PML: variants seen among roughly 807,000 people sequenced by gnomAD.
PML encodes PML nuclear body scaffold, also known as protein PML.
PML carries 28 observed loss-of-function variants against 65.2 expected under a neutral mutation model. That is an observed-to-expected ratio of 0.43 (90% CI 0.32 to 0.59). The LOEUF (loss-of-function observed/expected upper bound fraction) is 0.59, where lower values mean the gene tolerates loss of function less well. Among genes scored for constraint, PML ranks in the 20% least tolerant of loss-of-function variants. The pLI is 0.08. For missense variants in PML, 1,021 were observed against 1,203.4 expected, an observed-to-expected ratio of 0.85 and a Z score of 2.24; for synonymous variants, 500 against 508.8, an observed-to-expected ratio of 0.98 and a Z score of 0.23.
At position 74,039,151 on chromosome 15, in the gene PML, G is replaced by A. The variant is rs79787848; in HGVS notation, c.1711-3838G>A. Among the ~76,000 whole-genome samples, 478 of 152,320 alleles carry A rather than the reference G, an allele frequency of 3.1e-3. 3 individuals carry two copies. Among genetic ancestry groups the A allele is most frequent in the African/African-American group, 0.011 (452 of 41,552 alleles). On this transcript the variant is annotated intron_variant, in intron 7 of 8. Transcript: ENST00000268058. ...CTGTGGCAGAAGTGGCAGTGGTGAC[G>A]GCGGAGGAAGGGAGGCCTGTGGGGA... is the stretch of plus-strand genomic sequence containing the variant.
At chr15:74,000,074 A>G (rs982080324) in intron 2 of PML, among the ~76,000 whole-genome samples, 1 of 151,998 alleles carries the variant, frequency 6.6e-6, no homozygotes, top group East Asian at 1.9e-4. Flanking sequence ...CAGGTGATCC[A>G]CCTGCCTCGG....
At chr15:73,997,897 A>G in intron 1 of PML, 107 bp from the exon 2 acceptor site, 3 of 939,330 alleles carry the variant, frequency 3.2e-6, no homozygotes. Context: ...GACTGGCTGG[A>G]ATGGAATATG....
chr15:74,009,932 A>G (rs574961818), intron 2 of PML, among the ~76,000 whole-genome samples: 5 of 152,304 alleles, frequency 3.3e-5, no homozygotes, highest in South Asian at 4.1e-4. Context: ...CTGAAGGCCA[A>G]TCGCCTCTAC....
Position 74,043,086 on chromosome 15 carries a change from C to G in PML, c.1808C>G (p.Pro603Arg), listed in dbSNP as rs758035628. ...GTCCTGGACGAGAACCTTGCTGACC[C>G]CCAAGCAGAAGACAGACCTCTGGTT... ...LRVLDENLAD[P>R]QAEDRPLVFF... is the part of the protein sequence containing the mutation. The change falls in exon 8 of 9, where the codon CCC becomes CGC. Residue 603 changes from proline (P) to arginine (R), a missense_variant. Coordinates refer to ENST00000268058, the MANE Select transcript of PML (RefSeq NM_033238.3). This position sits in a 1 kb window ranked among gnomAD's most constrained non-coding sequence, Gnocchi z 4.3. 113 of 1,613,220 alleles carry G rather than the reference C, an allele frequency of 7.0e-5. No individual in the cohort carries two copies. Among genetic ancestry groups the G allele is most frequent in the African/African-American group, 1.7e-4 (13 of 74,662 alleles).
rs992048706 is a variant in PML at position 74,015,950 on chromosome 15, T to C, written c.603-6878T>C. 3.7e-4 allele frequency among the ~76,000 whole-genome samples: 57 copies of C among 152,176 alleles called. 1 individual carries two copies. The highest frequency in any genetic ancestry group is 1.0e-4 in the Non-Finnish European group (7 of 68,032). On this transcript the variant is annotated intron_variant, in intron 2 of 8. Transcript: ENST00000268058. ...ATGGACAGCTTTAGGATGGGGAGACTGAGAACCCAGGAAACACGTTGAGGC... is the reference window on the plus strand; with the variant it reads ...ATGGACAGCTTTAGGATGGGGAGACCGAGAACCCAGGAAACACGTTGAGGC...
At position 74,043,448 on chromosome 15, in the gene PML, T is replaced by C. The variant is rs2071735441; in HGVS notation, c.1861+309T>C. The C allele has an allele frequency of 1.5e-6, 2 of 1,298,462 alleles. No homozygotes were observed. Among genetic ancestry groups the C allele is most frequent in the East Asian group, 2.9e-5 (1 of 35,030 alleles). The allele number at this position is 1,298,462 out of a possible 1,614,324, so 80.4% of individuals were successfully genotyped here. A position where few individuals can be genotyped will look rare whatever the true frequency, so the allele number is the denominator to read the frequency against. Reference sequence around the variant, plus strand: ...AACACACTCCTAGACAGAAACACAATGCGTGAGCTCATTGCCGTGAGCCCT... The same window carrying C: ...AACACACTCCTAGACAGAAACACAACGCGTGAGCTCATTGCCGTGAGCCCT... On this transcript the variant is annotated intron_variant, in intron 8 of 8. Transcript: ENST00000268058. The surrounding 1 kb of genome is among the most constrained non-coding windows in gnomAD (Gnocchi z 4.3).
Position 74,044,674 on chromosome 15 carries a change from TC to T in PML, c.2316del (p.Phe772LeufsTer32), listed in dbSNP as rs1469363002. ...CAGCTGGCCCAGCATGTCTACCCCT[TC>T]AGTAGCCTGCAGTGCTTTGCCTCCC... ...GPQLAQHVYP[F>X]SSLQCFASLQ... On this transcript the variant is annotated frameshift_variant, in exon 9 of 9. Transcript: ENST00000268058. LOFTEE classifies it low-confidence loss of function (END_TRUNC). 4 of 1,606,186 alleles carry T rather than the reference TC, an allele frequency of 2.5e-6. No individual in the cohort carries two copies. The highest frequency in any genetic ancestry group is 3.4e-6 in the Non-Finnish European group (4 of 1,179,914).
At chr15:74,033,009 A>G (rs772580900) in intron 5 of PML, 147 bp from the exon 6 acceptor site, 57 of 873,798 alleles carry the variant, frequency 6.5e-5, no homozygotes, top group Non-Finnish European at 1.1e-4. Flanking sequence ...TTCCTGTCTG[A>G]AGAGAGACGT....
At chr15:74,041,670 C>G (rs1299050149) in intron 7 of PML, 3 of 152,246 alleles carry the variant, frequency 2.0e-5, no homozygotes, top group Non-Finnish European at 2.9e-5. Context: ...CCTACAAAAA[C>G]CCACCACATC....
rs375250698 is a variant in PML, at chr15:74,036,085, G to A, written c.1710+1555G>A. ...ATTCTTGGTTAAGGAATGAATCAAC[G>A]AATGAATGGCTATGCATGGACCTCT... On this transcript the variant is annotated intron_variant, in intron 7 of 8. Transcript: ENST00000268058. 2.5e-5 allele frequency: 41 copies of A among 1,613,692 alleles called. No homozygotes were observed. In the South Asian group the frequency reaches 3.1e-4, roughly 12 times the overall value.
Position 73,994,738 on chromosome 15 carries a change from G to A in PML, c.-75G>A. On this transcript the variant is annotated 5_prime_UTR_variant, in exon 1 of 9. Coordinates refer to ENST00000268058, the MANE Select transcript of PML (RefSeq NM_033238.3). Reference sequence around the variant, plus strand: ...GACAGCTCAAGGGACTCAGCCAACTGGCTCACGCCTCCCCTTCAGCTTCTC... The same window carrying A: ...GACAGCTCAAGGGACTCAGCCAACTAGCTCACGCCTCCCCTTCAGCTTCTC... 2 of 1,502,880 alleles carry A rather than the reference G, an allele frequency of 1.3e-6. No individual in the cohort carries two copies. The highest frequency in any genetic ancestry group is 1.8e-6 in the Non-Finnish European group (2 of 1,104,136). 93.1% of individuals were successfully genotyped at this position (1,502,880 alleles called of 1,614,324 possible).
Position 74,035,705 on chromosome 15 carries a change from C to CT in PML, c.1710+1181dup. 1.9e-6 allele frequency: 3 copies of CT among 1,614,148 alleles called. No individual in the cohort carries two copies. The highest frequency in any genetic ancestry group is 2.5e-6 in the Non-Finnish European group (3 of 1,180,004). ...CCCATTTATCCCAGTGGCTCAACAACTTTTTTGCCCTCCCCTTCTCCTCCA... is the reference window on the plus strand; with the variant it reads ...CCCATTTATCCCAGTGGCTCAACAACTTTTTTTGCCCTCCCCTTCTCCTCCA... On this transcript the variant is annotated intron_variant, in intron 7 of 8. Coordinates refer to ENST00000268058, the MANE Select transcript of PML (RefSeq NM_033238.3). This position sits in a 1 kb window ranked among gnomAD's most constrained non-coding sequence, Gnocchi z 4.1.
intron 2 of PML, among the ~76,000 whole-genome samples, chr15:74,016,792 C>CTT (rs535665071): frequency 2.0e-3 from 154 of 77,626 alleles, no homozygotes; most frequent in Middle Eastern, 9.4e-3. Context: ...GCAGTGGCAT[C>CTT]TTTTTTTTTT....
chr15:73,997,087 C>A (rs957280261), intron 1 of PML, among the ~76,000 whole-genome samples: 1 of 152,212 alleles, frequency 6.6e-6, no homozygotes, highest in Non-Finnish European at 1.5e-5. Flanking sequence ...CCAAATACCC[C>A]CTAGAGGTTT....
intron 2 of PML, among the ~76,000 whole-genome samples, chr15:74,015,635 A>T (rs2070537498): frequency 6.6e-6 from 1 of 152,182 alleles, no homozygotes; most frequent in African/African-American, 2.4e-5. Flanking sequence ...GGACACCCCA[A>T]ATCTGACATT....
intron 7 of PML, chr15:74,036,281 C>T (rs1215205956): frequency 1.4e-6 from 2 of 1,468,364 alleles, no homozygotes; most frequent in South Asian, 1.4e-5. Flanking sequence ...CCCCGACCCC[C>T]ACCCCAAGCC....
At chr15:74,032,492 T>G in intron 4 of PML, 80 bp from the exon 5 acceptor site, 1 of 1,514,304 alleles carries the variant, frequency 6.6e-7, no homozygotes, top group Admixed American at 1.7e-5. Context: ...CCCCAGGGAT[T>G]AGGCCAACCA....
At chr15:74,008,539 C>T (rs1340343311) in intron 2 of PML, among the ~76,000 whole-genome samples, 2 of 151,650 alleles carry the variant, frequency 1.3e-5, no homozygotes, top group Non-Finnish European at 2.9e-5. Context: ...GAGATTGAGA[C>T]CATCCTGGCT....
intron 7 of PML, among the ~76,000 whole-genome samples, chr15:74,040,859 C>T (rs564621647): frequency 3.3e-5 from 5 of 152,314 alleles, no homozygotes; most frequent in African/African-American, 1.2e-4. Context: ...GAGAAGGCAG[C>T]TCGAGTAAGT....
Sources: allele counts gnomAD v4.1 joint callset (sites outside exome capture counted in the v4.1 genomes callset), GRCh38; gene constraint gnomAD v4.1.1; non-coding constraint Gnocchi (gnomAD v3.1); transcripts MANE v1.5; gene names NCBI Gene and HGNC (gene_info 2026-07-23, HGNC 2026-07-21).